The following STOX2 variants were observed in gnomAD, a reference collection of about 807,000 sequenced individuals.
STOX2 encodes the protein storkhead-box protein 2.
STOX2 carries 28 observed loss-of-function variants against 60.9 expected under a neutral mutation model. The observed-to-expected ratio is 0.46, with a 90% CI of 0.34 to 0.63. The LOEUF (loss-of-function observed/expected upper bound fraction) is 0.63, where lower values mean the gene tolerates loss of function less well. Ranked by LOEUF, STOX2 falls within the 30% of genes least tolerant of loss-of-function variation. The probability of loss-of-function intolerance (pLI) is 0.01; values close to 1 mark genes in which losing one functional copy is unlikely to be tolerated. For missense variants in STOX2, 1,024 were observed against 1,187.7 expected, an observed-to-expected ratio of 0.86 and a Z score of 2.03; for synonymous variants, 472 against 463.9, an observed-to-expected ratio of 1.02 and a Z score of -0.22.
chr4:183,921,059 T>G (rs1742087505), intron 1 of STOX2, among the ~76,000 whole-genome samples: 1 of 152,260 alleles, frequency 6.6e-6, no homozygotes, highest in African/African-American at 2.4e-5. Context: ...GAAGAAGCAT[T>G]CGGTTTAGCA....
At chr4:183,864,006 T>C (rs542364698) in intron 1 of STOX2, among the ~76,000 whole-genome samples, 4 of 152,324 alleles carry the variant, frequency 2.6e-5, no homozygotes, top group African/African-American at 9.6e-5. Context: ...CAGCTCCATC[T>C]GTATTTCCTC....
At chr4:183,917,843 A>G (rs1310392043) in intron 1 of STOX2, among the ~76,000 whole-genome samples, 1 of 152,236 alleles carries the variant, frequency 6.6e-6, no homozygotes, top group African/African-American at 2.4e-5. Context: ...TGGTGCTGGC[A>G]CCCACTTGCT....
At chr4:183,918,537 AC>A (rs1432881571) in intron 1 of STOX2, among the ~76,000 whole-genome samples, 2 of 152,200 alleles carry the variant, frequency 1.3e-5, no homozygotes, top group East Asian at 3.8e-4. Flanking sequence ...TGTGGTAAAA[AC>A]CAATCTTGCA....
chr4:184,001,376 C>T lies in STOX2; in HGVS notation c.218C>T (p.Pro73Leu). The change falls in exon 2 of 4, where the codon CCA (proline) becomes CTA (leucine). Residue 73 changes from proline (P) to leucine (L), a missense_variant. Around this residue, in one of 3 missense-constraint regions of STOX2, gnomAD observed 98 missense variants for 110.2 expected, o/e 0.89. Coordinates refer to ENST00000308497, the MANE Select transcript of STOX2 (RefSeq NM_020225.3). The surrounding 1 kb of genome is among the most constrained non-coding windows in gnomAD (Gnocchi z 4.2). ...CCCATCAGTCAGTCTCAGTTTATTC[C>T]ACTCGGGGAGATCCTCTGCTTGGCC... ...MSPISQSQFIPLGEILCLAIS... is the reference protein window; with the variant it reads ...MSPISQSQFILLGEILCLAIS... 1 of 1,613,836 alleles carries T rather than the reference C, an allele frequency of 6.2e-7. No individual in the cohort carries two copies. Among genetic ancestry groups the T allele is most frequent in the Non-Finnish European group, 8.5e-7 (1 of 1,179,824 alleles).
intron 1 of STOX2, among the ~76,000 whole-genome samples, chr4:183,877,744 G>T (rs1740865086): frequency 6.6e-6 from 1 of 152,158 alleles, no homozygotes; most frequent in African/African-American, 2.4e-5. Context: ...ACAGTGGGGC[G>T]ATCTTGGCTT....
intron 1 of STOX2, among the ~76,000 whole-genome samples, chr4:183,824,369 C>T (rs551984158): frequency 6.6e-6 from 1 of 152,144 alleles, no homozygotes; most frequent in East Asian, 1.9e-4. Flanking sequence ...ATTTTACTTT[C>T]CTAGGCCTTG....
chr4:183,807,584 T>C (rs1209586548), intron 1 of STOX2, among the ~76,000 whole-genome samples: 1 of 152,152 alleles, frequency 6.6e-6, no homozygotes, highest in African/African-American at 2.4e-5. Flanking sequence ...TTGCGCTTTA[T>C]CTCTGCGGCC....
chr4:183,807,905 C>G (rs1385368264), intron 1 of STOX2, among the ~76,000 whole-genome samples: 2 of 152,212 alleles, frequency 1.3e-5, no homozygotes, highest in Non-Finnish European at 2.9e-5. Flanking sequence ...TGCTGGGAAT[C>G]AGGCCGCTTT....
chr4:183,890,831 G>A (rs891678210), intron 1 of STOX2, among the ~76,000 whole-genome samples: 1 of 152,234 alleles, frequency 6.6e-6, no homozygotes, highest in African/African-American at 2.4e-5. Flanking sequence ...AATAAGGCTG[G>A]TTGCGGTGGC....
At chr4:183,899,046 T>G (rs1741404012) in intron 1 of STOX2, among the ~76,000 whole-genome samples, 1 of 152,204 alleles carries the variant, frequency 6.6e-6, no homozygotes, top group African/African-American at 2.4e-5. Flanking sequence ...TATTTCAAAC[T>G]TGTTCATTTT....
At chr4:183,970,923 C>G (rs1010727908) in intron 1 of STOX2, among the ~76,000 whole-genome samples, 2 of 152,210 alleles carry the variant, frequency 1.3e-5, no homozygotes, top group Non-Finnish European at 2.9e-5. Context: ...GTAAACTGCC[C>G]TCGCTATGAC....
At chr4:183,826,530 C>G (rs1028844971) in intron 1 of STOX2, among the ~76,000 whole-genome samples, 1 of 152,144 alleles carries the variant, frequency 6.6e-6, no homozygotes, top group East Asian at 1.9e-4. Flanking sequence ...GGCTTGTATT[C>G]TCTACACCAC....
At chr4:183,977,170 T>C (rs948255692) in intron 1 of STOX2, among the ~76,000 whole-genome samples, 5 of 138,822 alleles carry the variant, frequency 3.6e-5, no homozygotes, top group Non-Finnish European at 7.4e-5. Flanking sequence ...GGCAGTATAA[T>C]AGGTAGTATA....
chr4:183,841,077 A>G (rs146771170), intron 1 of STOX2, among the ~76,000 whole-genome samples: 6,552 of 152,302 alleles, frequency 0.043, 453 homozygotes, highest in African/African-American at 0.15. Flanking sequence ...CATGTTGCCC[A>G]GGCTGGTCTC....
intron 1 of STOX2, among the ~76,000 whole-genome samples, chr4:183,859,800 AT>A (rs998257560): frequency 8.0e-4 from 122 of 151,934 alleles, no homozygotes; most frequent in African/African-American, 2.6e-3. Context: ...AACTGAATGG[AT>A]TTTTTTTTCC....
chr4:183,935,463 T>C (rs535872143), intron 1 of STOX2, among the ~76,000 whole-genome samples: 1 of 152,374 alleles, frequency 6.6e-6, no homozygotes, highest in South Asian at 2.1e-4. Flanking sequence ...TAAGTCTATC[T>C]GCTTATTCCA....
At chr4:184,013,614 A>C (rs1734245977) in intron 3 of STOX2, among the ~76,000 whole-genome samples, 1 of 152,228 alleles carries the variant, frequency 6.6e-6, no homozygotes, top group African/African-American at 2.4e-5. Flanking sequence ...GCTAGGTGAC[A>C]AACTATTTTC....
intron 1 of STOX2, among the ~76,000 whole-genome samples, chr4:183,920,744 G>C (rs1390847269): frequency 6.6e-6 from 1 of 152,006 alleles, no homozygotes; most frequent in Non-Finnish European, 1.5e-5. Flanking sequence ...CCTTAGAGTG[G>C]GTTTCAAATG....
rs545965265 is a variant in STOX2, at chr4:183,924,574, G to A, written c.166+17618G>A. On this transcript the variant is annotated intron_variant, in intron 1 of 3. Coordinates refer to ENST00000308497, the MANE Select transcript of STOX2 (RefSeq NM_020225.3). ...GGAGGACCTTATGTTTCGAGCTGAG[G>A]AGCTGTCGGGTTATTCTGAGCTTAA... Among the ~76,000 whole-genome samples the A allele has an allele frequency of 9.1e-4, 138 of 152,298 alleles. No homozygotes were observed. In the Middle Eastern group the frequency reaches 0.02, roughly 23 times the overall value.
Sources: gnomAD v4.1 joint callset for allele counts (sites outside exome capture counted in the v4.1 genomes callset) on GRCh38, gnomAD v4.1.1 for gene constraint, gnomAD v4.1.1 regional missense constraint, Gnocchi (gnomAD v3.1) non-coding constraint, MANE v1.5 for transcripts, NCBI Gene and HGNC (gene_info 2026-07-23, HGNC 2026-07-21) for gene names.